Variants in PCDHGA2 observed in about 807,000 individuals in gnomAD.
PCDHGA2 encodes protocadherin gamma-A2.
PCDHGA2 carries 40 observed loss-of-function variants against 59.2 expected under a neutral mutation model. The ratio of observed to expected loss-of-function variants is 0.68; its 90% CI spans 0.52 to 0.88. The LOEUF is 0.88. PCDHGA2 is among the 40% of genes least tolerant of loss of function. The pLI is 0.00. For missense variants in PCDHGA2, 1,226 were observed against 1,204.0 expected (o/e 1.02, Z -0.27); for synonymous variants, 560 against 526.0 (o/e 1.06, Z -0.89).
rs547410815 is a variant in PCDHGA2 at position 141,418,658 on chromosome 5, A to T, written c.2425-76149A>T. ...CACCTCCATCCTGAGAGTGAAGGCC[A>T]CTGACCAGGACGAGGGCATCAACTC... is the stretch of plus-strand genomic sequence containing the variant. On this transcript the variant is annotated intron_variant, in intron 1 of 3. Transcript: ENST00000394576. 2.6e-4 allele frequency: 419 copies of T among 1,614,030 alleles called. 6 individuals carry two copies. The South Asian group carries it at 4.2e-3, about 16-fold the overall frequency.
intron 1 of PCDHGA2, among the ~76,000 whole-genome samples, chr5:141,462,736 T>C (rs2099045667): frequency 6.6e-6 from 1 of 152,274 alleles, no homozygotes; most frequent in South Asian, 2.1e-4. Flanking sequence ...TTGTCACCTC[T>C]GTAATTCCTA....
chr5:141,371,867 C>T (rs1452583584), intron 1 of PCDHGA2: 3 of 1,613,430 alleles, frequency 1.9e-6, no homozygotes, highest in African/African-American at 1.3e-5. Context: ...CCTACTACAT[C>T]GTGGCCAGTG....
rs773825932 is a variant in PCDHGA2, at chr5:141,370,445, A to G, written c.2424+29050A>G. ...GCCCAGCAGGGCAGAGGCGAATGCT[A>G]TTTCTCTTCCTGCTCTCTTTGTTAG... On this transcript the variant is annotated intron_variant, in intron 1 of 3. Coordinates refer to ENST00000394576, the MANE Select transcript of PCDHGA2 (RefSeq NM_018915.4). The G allele has an allele frequency of 5.0e-6, 8 of 1,608,064 alleles. No homozygotes were observed. In the Admixed American group the frequency reaches 5.1e-5, roughly 10 times the overall value.
intron 1 of PCDHGA2, chr5:141,345,838 C>T (rs1239653079): frequency 6.8e-6 from 11 of 1,613,514 alleles, no homozygotes; most frequent in South Asian, 2.2e-5. Flanking sequence ...GGCCAGAACG[C>T]CTGGCTGTCC....
rs1419365808 is a variant in PCDHGA2 at position 141,477,321 on chromosome 5, C to G, written c.2425-17486C>G. 1.2e-6 allele frequency: 2 copies of G among 1,614,160 alleles called. No homozygotes were observed. Among genetic ancestry groups the G allele is most frequent in the East Asian group, 4.5e-5 (2 of 44,874 alleles). On this transcript the variant is annotated intron_variant, in intron 1 of 3. Coordinates refer to ENST00000394576, the MANE Select transcript of PCDHGA2 (RefSeq NM_018915.4). The surrounding 1 kb of genome is among the most constrained non-coding windows in gnomAD (Gnocchi z 4.9). Reference sequence around the variant, plus strand: ...GGTCTCCCTTTCAGCCTTACTTCTTCCCTCAAGAATTACTTCACTTTGAAA... The same window carrying G: ...GGTCTCCCTTTCAGCCTTACTTCTTGCCTCAAGAATTACTTCACTTTGAAA...
intron 1 of PCDHGA2, chr5:141,370,753 C>G: frequency 6.2e-7 from 1 of 1,613,950 alleles, no homozygotes; most frequent in Non-Finnish European, 8.5e-7. Flanking sequence ...TTTCATGTAA[C>G]TGTGCTGATC....
Position 141,371,494 on chromosome 5 carries a change from C to A in PCDHGA2, c.2424+30099C>A, listed in dbSNP as rs535024997. ...GATGCTGAGCTGGGGACTGCCGTTG[C>A]CCTGATCAAAACACATGATCTAGAT... On this transcript the variant is annotated intron_variant, in intron 1 of 3. Transcript: ENST00000394576. 20 of 1,613,888 alleles carry A rather than the reference C, an allele frequency of 1.2e-5. No individual in the cohort carries two copies. In the South Asian group the frequency reaches 1.9e-4, roughly 15 times the overall value.
chr5:141,430,485 G>T (rs926788879), intron 1 of PCDHGA2: 2 of 252,972 alleles, frequency 7.9e-6, no homozygotes, highest in Non-Finnish European at 7.4e-6. Flanking sequence ...ATATAAAAAC[G>T]AAATATCCTT....
intron 1 of PCDHGA2, chr5:141,375,579 C>A: frequency 6.2e-7 from 1 of 1,614,114 alleles, no homozygotes; most frequent in Non-Finnish European, 8.5e-7. Flanking sequence ...CTCCAGGGGG[C>A]GCCCCTGTCC....
chr5:141,392,970 G>A (rs2092639280), intron 1 of PCDHGA2: 1 of 1,613,778 alleles, frequency 6.2e-7, no homozygotes, highest in Non-Finnish European at 8.5e-7. Flanking sequence ...CAAGGACCTG[G>A]GGCTGGACCC....
rs563642216 is a variant in PCDHGA2, at chr5:141,376,735, G to A, written c.2424+35340G>A. The A allele has an allele frequency of 1.9e-5, 10 of 521,610 alleles. 1 individual carries two copies. The South Asian group carries it at 2.3e-4, about 12-fold the overall frequency. 32.3% of individuals were successfully genotyped at this position (521,610 alleles called of 1,614,324 possible). ...CGCTCTGTCGCCCAGGCCGGACTGC[G>A]GACTGCAGTGGCGCAATCTCGGCTC... On this transcript the variant is annotated intron_variant, in intron 1 of 3. Coordinates refer to ENST00000394576, the MANE Select transcript of PCDHGA2 (RefSeq NM_018915.4).
At chr5:141,414,722 G>T in intron 1 of PCDHGA2, 1 of 1,614,128 alleles carries the variant, frequency 6.2e-7, no homozygotes, top group South Asian at 1.1e-5. Flanking sequence ...TCAGACACTG[G>T]CGTCCTGTAT....
At chr5:141,478,832 G>A in intron 1 of PCDHGA2, 1 of 1,435,464 alleles carries the variant, frequency 7.0e-7, no homozygotes, top group South Asian at 1.5e-5. Context: ...TCTTGCTAAG[G>A]GATGGTTAAG....
At chr5:141,394,285 T>C (rs1463926417) in intron 1 of PCDHGA2, 2 of 1,613,942 alleles carry the variant, frequency 1.2e-6, no homozygotes, top group Admixed American at 1.7e-5. Context: ...ACTTACTCTG[T>C]GACCGAGGAC....
chr5:141,405,394 C>T, intron 1 of PCDHGA2: 4 of 1,593,132 alleles, frequency 2.5e-6, no homozygotes, highest in Non-Finnish European at 3.4e-6. Context: ...CATTTTTTTT[C>T]TTTCTTTCTT....
At chr5:141,371,745 G>T (rs767038146) in intron 1 of PCDHGA2, 2 of 1,614,002 alleles carry the variant, frequency 1.2e-6, no homozygotes, top group South Asian at 2.2e-5. Flanking sequence ...CAACGTTCCC[G>T]TTTTCCACCA....
At chr5:141,377,587 C>A (rs1272601199) in intron 1 of PCDHGA2, 2 of 147,530 alleles carry the variant, frequency 1.4e-5, no homozygotes, top group African/African-American at 5.1e-5. Flanking sequence ...CAGAATGAGA[C>A]TTTTTCTCTC....
rs1488305057 is a variant in PCDHGA2, at chr5:141,477,736, C to G, written c.2425-17071C>G. 6.2e-7 allele frequency: 1 copy of G among 1,613,790 alleles called. No homozygotes were observed. The highest frequency in any genetic ancestry group is 1.1e-5 in the South Asian group (1 of 91,088). On this transcript the variant is annotated intron_variant, in intron 1 of 3. Coordinates refer to ENST00000394576, the MANE Select transcript of PCDHGA2 (RefSeq NM_018915.4). This position sits in a 1 kb window ranked among gnomAD's most constrained non-coding sequence, Gnocchi z 4.9. ...AATTTGAATTAACAGCTCATATCAG[C>G]GATGGGGGCACCCCGGTCCTAGCCA...
intron 2 of PCDHGA2, among the ~76,000 whole-genome samples, chr5:141,500,508 C>T (rs2099801020): frequency 6.6e-6 from 1 of 152,078 alleles, no homozygotes; most frequent in African/African-American, 2.4e-5. Context: ...CGCGCCTGGC[C>T]GAGCTTCATT....
Sources: gnomAD v4.1 joint callset for allele counts (sites outside exome capture counted in the v4.1 genomes callset) on GRCh38, gnomAD v4.1.1 for gene constraint, Gnocchi (gnomAD v3.1) non-coding constraint, MANE v1.5 for transcripts, NCBI Gene and HGNC (gene_info 2026-07-23, HGNC 2026-07-21) for gene names.